RIMS2: variants seen among roughly 807,000 people sequenced by gnomAD.
The protein encoded by RIMS2 is regulating synaptic membrane exocytosis protein 2.
In RIMS2, 59 loss-of-function variants were observed where a neutral mutation model predicts 174.4. The observed-to-expected ratio is 0.34, with a 90% CI of 0.27 to 0.42. The LOEUF is 0.42. RIMS2 is among the 10% of genes least tolerant of loss of function. The pLI, the probability that RIMS2 is intolerant of heterozygous loss-of-function variation, is 1.00. For missense variants in RIMS2, 1,620 were observed against 1,666.3 expected (o/e 0.97, Z 0.48); for synonymous variants, 606 against 572.5 (o/e 1.06, Z -0.84).
chr8:104,243,815 T>C lies in RIMS2; in HGVS notation c.3335-1101T>C, dbSNP rs191159418. 1.3e-3 allele frequency among the ~76,000 whole-genome samples: 202 copies of C among 152,348 alleles called. 1 individual carries two copies. The highest frequency in any genetic ancestry group is 4.7e-3 in the African/African-American group (194 of 41,580). ...CAAGAAGTAATCGAGTACAAATCAT[T>C]TGGACTATCACCCTCTTGCTCGAGC... On this transcript the variant is annotated intron_variant, in intron 19 of 23. Transcript: ENST00000504942.
At chr8:103,628,807 G>T (rs536200840) in intron 1 of RIMS2, among the ~76,000 whole-genome samples, 9 of 144,096 alleles carry the variant, frequency 6.2e-5, no homozygotes, top group Non-Finnish European at 1.3e-4. Context: ...CTAGCTAAAG[G>T]ACCAGAAAAA....
chr8:103,787,970 C>G (rs1404563175), intron 3 of RIMS2, among the ~76,000 whole-genome samples: 12 of 150,394 alleles, frequency 8.0e-5, no homozygotes, highest in African/African-American at 2.9e-4. Flanking sequence ...TTGCTCATTT[C>G]TTTTTATTCT....
chr8:104,118,589 C>G (rs10955339), intron 19 of RIMS2, among the ~76,000 whole-genome samples: 147,495 of 152,000 alleles, frequency 0.97, 71,582 homozygotes, highest in East Asian at 1. Context: ...GGCTGGTCTT[C>G]AACTCCTGGC....
At chr8:103,568,927 A>C in intron 1 of RIMS2, 1 of 861,798 alleles carries the variant, frequency 1.2e-6, no homozygotes, top group Non-Finnish European at 1.9e-6. Context: ...GTGGCATTGC[A>C]AAACTGATCT....
At chr8:104,022,319 G>A (rs961474268) in intron 19 of RIMS2, among the ~76,000 whole-genome samples, 2 of 152,034 alleles carry the variant, frequency 1.3e-5, no homozygotes, top group African/African-American at 4.8e-5. Context: ...CCCACACACA[G>A]GAATGATTAA....
At chr8:104,168,859 G>T (rs1256929482) in intron 19 of RIMS2, among the ~76,000 whole-genome samples, 1 of 151,990 alleles carries the variant, frequency 6.6e-6, no homozygotes, top group Non-Finnish European at 1.5e-5. Context: ...ATCATAAAGG[G>T]ATGTTGGATT....
intron 9 of RIMS2, among the ~76,000 whole-genome samples, chr8:103,920,406 A>C (rs1236775115): frequency 6.6e-6 from 1 of 152,154 alleles, no homozygotes; most frequent in Non-Finnish European, 1.5e-5. Context: ...CGACAACAAC[A>C]ACAACAAAAA....
At chr8:104,184,041 A>T (rs2098955270) in intron 19 of RIMS2, among the ~76,000 whole-genome samples, 1 of 151,568 alleles carries the variant, frequency 6.6e-6, no homozygotes, top group Admixed American at 6.6e-5. Context: ...CATGGTCTAT[A>T]AACATGAAAG....
At chr8:104,217,933 A>G (rs1245273316) in intron 19 of RIMS2, among the ~76,000 whole-genome samples, 7 of 152,314 alleles carry the variant, frequency 4.6e-5, no homozygotes, top group African/African-American at 1.7e-4. Context: ...ATAATTTAGG[A>G]TCCTGAGGGT....
chr8:103,998,815 A>G (rs2095257839), intron 17 of RIMS2, among the ~76,000 whole-genome samples: 1 of 151,744 alleles, frequency 6.6e-6, no homozygotes, highest in Non-Finnish European at 1.5e-5. Flanking sequence ...CCCTACCACC[A>G]TTTCTCTTTC....
At chr8:104,101,889 C>G (rs1056444247) in intron 19 of RIMS2, among the ~76,000 whole-genome samples, 3 of 152,006 alleles carry the variant, frequency 2.0e-5, no homozygotes, top group Non-Finnish European at 4.4e-5. Flanking sequence ...TTTGTCTGCC[C>G]TCTTGGCTTT....
chr8:103,860,621 C>T (rs1027073116), intron 3 of RIMS2, among the ~76,000 whole-genome samples: 1 of 151,510 alleles, frequency 6.6e-6, no homozygotes, highest in African/African-American at 2.4e-5. Context: ...TTATTGTTAG[C>T]CATTTGAGGG....
At chr8:104,095,469 G>T (rs1319305603) in intron 19 of RIMS2, among the ~76,000 whole-genome samples, 1 of 151,940 alleles carries the variant, frequency 6.6e-6, no homozygotes, top group Admixed American at 6.6e-5. Context: ...AGAAGGGCAG[G>T]GAAAAAATAC....
At chr8:103,541,218 C>A (rs1842430288) in intron 1 of RIMS2, among the ~76,000 whole-genome samples, 1 of 152,114 alleles carries the variant, frequency 6.6e-6, no homozygotes, top group Non-Finnish European at 1.5e-5. Flanking sequence ...ATCAAAGACG[C>A]AGAGAGGATC....
chr8:103,824,237 A>G (rs760154775), intron 3 of RIMS2, among the ~76,000 whole-genome samples: 8 of 152,162 alleles, frequency 5.3e-5, no homozygotes, highest in South Asian at 4.1e-4. Context: ...AATGTTAACT[A>G]TAGTTTTAAA....
At chr8:104,145,510 G>A (rs2098628802) in intron 19 of RIMS2, among the ~76,000 whole-genome samples, 1 of 138,266 alleles carries the variant, frequency 7.2e-6, no homozygotes, top group Non-Finnish European at 1.6e-5. Flanking sequence ...CAAAAATCAA[G>A]AGTCCCAAAA....
intron 1 of RIMS2, among the ~76,000 whole-genome samples, chr8:103,595,648 T>A (rs2094453360): frequency 6.6e-6 from 1 of 151,952 alleles, no homozygotes. Flanking sequence ...ATTTAGGAAC[T>A]GCAGTATAAG....
At chr8:103,569,011 A>G in intron 1 of RIMS2, 1 of 474,734 alleles carries the variant, frequency 2.1e-6, no homozygotes. Context: ...CACTTTCTTG[A>G]TGGAGGCCTT....
chr8:103,866,101 G>A (rs886690412), intron 3 of RIMS2, among the ~76,000 whole-genome samples: 8 of 152,078 alleles, frequency 5.3e-5, no homozygotes, highest in Non-Finnish European at 1.0e-4. Flanking sequence ...TTTTTAAAAT[G>A]CAGTCCTTAA....
Sources: allele counts gnomAD v4.1 joint callset (sites outside exome capture counted in the v4.1 genomes callset), GRCh38; gene constraint gnomAD v4.1.1; transcripts MANE v1.5; gene names NCBI Gene and HGNC (gene_info 2026-07-23, HGNC 2026-07-21).